IL1RL1: variants seen among roughly 807,000 people sequenced by gnomAD.
The protein encoded by IL1RL1 is interleukin 1 receptor like 1.
A neutral mutation model predicts 50.9 loss-of-function variants in IL1RL1; 32 were observed. The ratio of observed to expected loss-of-function variants is 0.63; its 90% CI spans 0.47 to 0.84. The LOEUF is 0.84. IL1RL1 is among the 40% of genes least tolerant of loss of function. The probability of loss-of-function intolerance (pLI) is 0.00; values close to 1 mark genes in which losing one functional copy is unlikely to be tolerated. For missense variants in IL1RL1, 773 were observed against 662.9 expected, an observed-to-expected ratio of 1.17 and a Z score of -1.82; for synonymous variants, 275 against 236.0, an observed-to-expected ratio of 1.17 and a Z score of -1.51.
At chr2:102,324,779 T>C (rs1559596994) in intron 1 of IL1RL1, among the ~76,000 whole-genome samples, 1 of 152,190 alleles carries the variant, frequency 6.6e-6, no homozygotes, top group Non-Finnish European at 1.5e-5. Flanking sequence ...GAGATCAAAC[T>C]GCAAGTTGGC....
chr2:102,346,397 C>T (rs1400959190), intron 8 of IL1RL1, among the ~76,000 whole-genome samples: 1 of 152,220 alleles, frequency 6.6e-6, no homozygotes, highest in Non-Finnish European at 1.5e-5. Context: ...ACACAGCCAG[C>T]ATTTTCCTAG....
At chr2:102,345,748 TTC>T in intron 8 of IL1RL1, 1 of 985,386 alleles carries the variant, frequency 1.0e-6, no homozygotes, top group Non-Finnish European at 1.2e-6. Flanking sequence ...TGCCGTAGTG[TTC>T]TGTGGGTCTC....
chr2:102,346,104 A>G, intron 8 of IL1RL1: 3 of 947,448 alleles, frequency 3.2e-6, no homozygotes, highest in Non-Finnish European at 3.8e-6. Flanking sequence ...ACTGCTATTG[A>G]GTTGTCATGA....
In IL1RL1 at chr2:102,338,228, A is replaced by G; in HGVS notation, c.-37A>G. 1 of 1,466,484 alleles carries G rather than the reference A, an allele frequency of 6.8e-7. No homozygotes were observed. Among genetic ancestry groups the G allele is most frequent in the South Asian group, 1.2e-5 (1 of 86,346 alleles). The allele number at this position is 1,466,484 out of a possible 1,614,324, so 90.8% of individuals were successfully genotyped here. A position where few individuals can be genotyped will look rare whatever the true frequency, so the allele number is the denominator to read the frequency against. On this transcript the variant is annotated 5_prime_UTR_variant, in exon 2 of 11. Coordinates refer to ENST00000233954, the MANE Select transcript of IL1RL1 (RefSeq NM_016232.5). ...TGACTCATCTGGAGTAATCTCAACAACGAGTTACCAATACTTGCTCTTGAT... is the reference window on the plus strand; with the variant it reads ...TGACTCATCTGGAGTAATCTCAACAGCGAGTTACCAATACTTGCTCTTGAT...
chr2:102,325,091 A>G (rs1676956124), intron 1 of IL1RL1, among the ~76,000 whole-genome samples: 2 of 152,134 alleles, frequency 1.3e-5, no homozygotes, highest in Admixed American at 1.3e-4. Flanking sequence ...CCTAACTGGG[A>G]GGCACCCCCC....
intron 1 of IL1RL1, among the ~76,000 whole-genome samples, chr2:102,314,844 T>G (rs1039821552): frequency 6.6e-6 from 1 of 152,148 alleles, no homozygotes; most frequent in African/African-American, 2.4e-5. Flanking sequence ...ATTTATAGGA[T>G]AGTTCCTGGG....
Position 102,349,162 on chromosome 2 carries a change from G to A in IL1RL1, c.1201G>A (p.Val401Ile), listed in dbSNP as rs1471603564. Residue 401 changes from valine to isoleucine, a missense_variant, in exon 10 of 11, where the codon GTT becomes ATT. By Grantham distance (29) the Val-to-Ile change is conservative. Transcript: ENST00000233954. ...TDGASRVEHFVHQILPDVLEN... is the reference protein window; with the variant it reads ...TDGASRVEHFIHQILPDVLEN... ...TGGGGCCAGTCGTGTAGAGCACTTT[G>A]TTCACCAGATTCTGCCTGATGTTCT... 1 of 1,613,602 alleles carries A rather than the reference G, an allele frequency of 6.2e-7. No individual in the cohort carries two copies. Among genetic ancestry groups the A allele is most frequent in the Non-Finnish European group, 8.5e-7 (1 of 1,179,562 alleles).
chr2:102,318,122 A>C (rs1676730481), intron 1 of IL1RL1, among the ~76,000 whole-genome samples: 2 of 152,126 alleles, frequency 1.3e-5, no homozygotes, highest in Non-Finnish European at 2.9e-5. Context: ...CAGAGGTTTG[A>C]AGAGAGGAGT....
At chr2:102,350,732 A>G (rs368450654) in intron 10 of IL1RL1, among the ~76,000 whole-genome samples, 4 of 152,206 alleles carry the variant, frequency 2.6e-5, no homozygotes, top group South Asian at 2.1e-4. Flanking sequence ...GTGGTCATGT[A>G]CCTGCCTCTC....
At chr2:102,324,688 C>T (rs1222338794) in intron 1 of IL1RL1, among the ~76,000 whole-genome samples, 3 of 152,216 alleles carry the variant, frequency 2.0e-5, no homozygotes, top group Admixed American at 1.3e-4. Context: ...TAGCAAATGG[C>T]ACACCAGGAG....
chr2:102,349,234 C>G lies in IL1RL1; in HGVS notation c.1273C>G (p.Leu425Val). 1 of 1,613,260 alleles carries G rather than the reference C, an allele frequency of 6.2e-7. No homozygotes were observed. The stretch of plus-strand genomic sequence containing the variant: ...CTTATGCATTTATGGGAGAGATATG[C>G]TACCTGGAGAAGGTAAAGCTATTGA... ...YTLCIYGRDMLPGEDVVTAVE... is the reference protein window; with the variant it reads ...YTLCIYGRDMVPGEDVVTAVE... The change falls in exon 10 of 11, where the codon CTA (leucine) becomes GTA (valine). Residue 425 changes from leucine to valine, a missense_variant. Transcript: ENST00000233954.
chr2:102,323,821 A>C (rs1009164621), intron 1 of IL1RL1, among the ~76,000 whole-genome samples: 1 of 152,160 alleles, frequency 6.6e-6, no homozygotes, highest in African/African-American at 2.4e-5. Context: ...TGAAACCATC[A>C]TCTCAATTGA....
intron 10 of IL1RL1, among the ~76,000 whole-genome samples, chr2:102,350,539 C>T (rs1452465214): frequency 6.6e-6 from 1 of 152,266 alleles, no homozygotes; most frequent in Non-Finnish European, 1.5e-5. Flanking sequence ...AAGTTCATGA[C>T]TGACTAAGGT....
rs749710100 is a variant in IL1RL1 at position 102,312,708 on chromosome 2, A to G, written c.-150+1085A>G. 2.0e-4 allele frequency among the ~76,000 whole-genome samples: 30 copies of G among 151,678 alleles called. 1 individual carries two copies. Among genetic ancestry groups the G allele is most frequent in the Admixed American group, 1.5e-3 (23 of 15,214 alleles). ...GAGAAGGCCCTCTTGAGTGAGGGCC[A>G]TTGTTTCTGGAGGGGTGGGGAGTGA... On this transcript the variant is annotated intron_variant, in intron 1 of 10. Coordinates refer to ENST00000233954, the MANE Select transcript of IL1RL1 (RefSeq NM_016232.5).
chr2:102,341,907 T>C (rs947976849), intron 5 of IL1RL1, among the ~76,000 whole-genome samples: 4 of 152,150 alleles, frequency 2.6e-5, no homozygotes, highest in African/African-American at 9.7e-5. Flanking sequence ...TGTAGAAGAG[T>C]AGTTTTCTAA....
chr2:102,316,111 G>C (rs1051904204), intron 1 of IL1RL1, among the ~76,000 whole-genome samples: 28 of 152,154 alleles, frequency 1.8e-4, no homozygotes, highest in African/African-American at 6.8e-4. Flanking sequence ...CCCTTATGAC[G>C]AAAGCATTCT....
intron 2 of IL1RL1, 27 bp from the exon 3 acceptor site, chr2:102,338,810 G>A: frequency 6.7e-7 from 1 of 1,497,206 alleles, no homozygotes. Context: ...ATCATTTCAG[G>A]ATTGTCTTTA....
chr2:102,344,942 A>G (rs2104995660), intron 8 of IL1RL1: 2 of 960,462 alleles, frequency 2.1e-6, no homozygotes, highest in Non-Finnish European at 2.5e-6. Context: ...AAAGGACAAC[A>G]TGAAACTGAT....
intron 1 of IL1RL1, among the ~76,000 whole-genome samples, chr2:102,325,779 A>G (rs549136109): frequency 1.3e-5 from 2 of 152,364 alleles, no homozygotes; most frequent in African/African-American, 4.8e-5. Context: ...GAATGAAACG[A>G]AGTGAGAAGA....
Sources: allele counts gnomAD v4.1 joint callset (sites outside exome capture counted in the v4.1 genomes callset), GRCh38; gene constraint gnomAD v4.1.1; transcripts MANE v1.5; gene names NCBI Gene and HGNC (gene_info 2026-07-23, HGNC 2026-07-21).